Variants in KCMF1 observed in about 807,000 individuals in gnomAD.
KCMF1 encodes the protein potassium channel modulatory factor 1.
A neutral mutation model predicts 41.1 loss-of-function variants in KCMF1; 3 were observed. The ratio of observed to expected loss-of-function variants is 0.07; its 90% CI spans 0.03 to 0.19. KCMF1 has a LOEUF of 0.19. KCMF1 is among the 10% of genes least tolerant of loss of function. The pLI is 1.00. For missense variants in KCMF1, 286 were observed against 488.9 expected, an observed-to-expected ratio of 0.58 and a Z score of 3.91; for synonymous variants, 142 against 164.5, an observed-to-expected ratio of 0.86 and a Z score of 1.04.
intron 1 of KCMF1, among the ~76,000 whole-genome samples, chr2:85,020,474 G>C: frequency 6.6e-6 from 1 of 152,056 alleles, no homozygotes. Context: ...TGGCACCCAG[G>C]CTGGAGCGCA....
At chr2:85,044,729 G>A (rs888522886) in intron 4 of KCMF1, among the ~76,000 whole-genome samples, 2 of 152,074 alleles carry the variant, frequency 1.3e-5, no homozygotes, top group African/African-American at 4.8e-5. Context: ...ATGTTGGCCA[G>A]GCTGGTCTCG....
chr2:85,004,378 G>A (rs947656607), intron 1 of KCMF1, among the ~76,000 whole-genome samples: 1 of 152,114 alleles, frequency 6.6e-6, no homozygotes, highest in African/African-American at 2.4e-5. Flanking sequence ...AGGCATGGTG[G>A]CGGGCACCTT....
chr2:85,032,795 C>T (rs1349487908), intron 2 of KCMF1, among the ~76,000 whole-genome samples: 2 of 152,184 alleles, frequency 1.3e-5, no homozygotes, highest in Middle Eastern at 3.2e-3. Flanking sequence ...GGATTATAGG[C>T]GTGAGCCACC....
chr2:84,986,155 G>GT (rs1673895033), intron 1 of KCMF1, among the ~76,000 whole-genome samples: 1 of 152,130 alleles, frequency 6.6e-6, no homozygotes, highest in Non-Finnish European at 1.5e-5. Context: ...TATGTGCAAG[G>GT]TATTATGATA....
At chr2:85,016,026 GA>G (rs1200545205) in intron 1 of KCMF1, among the ~76,000 whole-genome samples, 2 of 150,750 alleles carry the variant, frequency 1.3e-5, no homozygotes, top group Non-Finnish European at 3.0e-5. Flanking sequence ...ATTCTACCTG[GA>G]AAAAAAAAGT....
chr2:85,035,602 C>A (rs191339407), intron 3 of KCMF1, among the ~76,000 whole-genome samples: 1 of 152,262 alleles, frequency 6.6e-6, no homozygotes, highest in Admixed American at 6.5e-5. Context: ...CTGATCTTAC[C>A]TGGTTTTCAT....
At chr2:85,008,637 A>G (rs1190210579) in intron 1 of KCMF1, among the ~76,000 whole-genome samples, 1 of 151,848 alleles carries the variant, frequency 6.6e-6, no homozygotes, top group Non-Finnish European at 1.5e-5. Flanking sequence ...AGAAGGAGGC[A>G]GAGCATTGCT....
intron 1 of KCMF1, among the ~76,000 whole-genome samples, chr2:85,009,168 A>C (rs1674593560): frequency 6.6e-6 from 1 of 152,044 alleles, no homozygotes; most frequent in South Asian, 2.1e-4. Flanking sequence ...TGTTCTTGAG[A>C]TAGTAAGTTC....
chr2:85,026,284 C>A (rs986289521), intron 1 of KCMF1, among the ~76,000 whole-genome samples: 1 of 151,610 alleles, frequency 6.6e-6, no homozygotes, highest in African/African-American at 2.4e-5. Context: ...AGCCACTGCG[C>A]CTGGCATATT....
intron 1 of KCMF1, chr2:84,971,856 C>T (rs1573998043): frequency 6.6e-6 from 1 of 152,146 alleles, no homozygotes; most frequent in East Asian, 1.9e-4. Flanking sequence ...CTCCCGCCGC[C>T]CCGGAAGAGC....
intron 1 of KCMF1, among the ~76,000 whole-genome samples, chr2:84,986,038 A>G (rs895990932): frequency 3.5e-4 from 54 of 152,206 alleles, no homozygotes; most frequent in African/African-American, 1.3e-3. Context: ...TTAAAAACCA[A>G]AATACTAGTT....
At chr2:84,979,255 G>A (rs1420007757) in intron 1 of KCMF1, among the ~76,000 whole-genome samples, 4 of 152,126 alleles carry the variant, frequency 2.6e-5, no homozygotes, top group African/African-American at 7.2e-5. Context: ...TGAGCTGGGC[G>A]CTGTGGCTTA....
chr2:84,981,391 G>A (rs1037068505), intron 1 of KCMF1, among the ~76,000 whole-genome samples: 12 of 151,846 alleles, frequency 7.9e-5, no homozygotes, highest in Admixed American at 5.9e-4. Flanking sequence ...GGGTTTCACC[G>A]TGTTAGCCAG....
At chr2:84,994,593 G>C (rs1180938661) in intron 1 of KCMF1, among the ~76,000 whole-genome samples, 1 of 151,764 alleles carries the variant, frequency 6.6e-6, no homozygotes, top group Admixed American at 6.6e-5. Context: ...AGTAGAAACG[G>C]GGTTTCTCCA....
intron 1 of KCMF1, among the ~76,000 whole-genome samples, chr2:84,977,726 T>A (rs368272865): frequency 1.8e-4 from 27 of 152,200 alleles, no homozygotes; most frequent in African/African-American, 6.5e-4. Flanking sequence ...CAGCAACTTT[T>A]TCAGTTTGAA....
At chr2:85,032,398 CAG>C (rs1327087893) in intron 2 of KCMF1, among the ~76,000 whole-genome samples, 3 of 150,244 alleles carry the variant, frequency 2.0e-5, no homozygotes, top group Non-Finnish European at 4.4e-5. Flanking sequence ...TATTTTGAGA[CAG>C]AGTTTCGCTC....
intron 1 of KCMF1, among the ~76,000 whole-genome samples, chr2:85,018,983 C>T (rs55812335): frequency 0.066 from 10,051 of 151,844 alleles, 582 homozygotes; most frequent in East Asian, 0.34. Context: ...GTGATCCGCC[C>T]ACCTCGGCCT....
chr2:85,012,095 A>C (rs1674667104), intron 1 of KCMF1, among the ~76,000 whole-genome samples: 1 of 152,170 alleles, frequency 6.6e-6, no homozygotes, highest in East Asian at 1.9e-4. Flanking sequence ...GGGCAAAGGG[A>C]TTATGTTTAT....
At chr2:85,017,280 C>T (rs547988782) in intron 1 of KCMF1, among the ~76,000 whole-genome samples, 1 of 152,170 alleles carries the variant, frequency 6.6e-6, no homozygotes, top group East Asian at 1.9e-4. Flanking sequence ...CCCGCTTCGG[C>T]CTCCCAAAGT....
Sources: gnomAD v4.1 joint callset for allele counts (sites outside exome capture counted in the v4.1 genomes callset) on GRCh38, gnomAD v4.1.1 for gene constraint, MANE v1.5 for transcripts, NCBI Gene and HGNC (gene_info 2026-07-23, HGNC 2026-07-21) for gene names.